The following VBP1 variants were observed in gnomAD, a reference collection of about 807,000 sequenced individuals.
VBP1 encodes VHL binding protein 1.
VBP1 carries 4 observed loss-of-function variants against 15.5 expected under a neutral mutation model. That is an observed-to-expected ratio of 0.26 (90% CI 0.13 to 0.59). The LOEUF is 0.59. Among genes scored for constraint, VBP1 ranks in the 20% least tolerant of loss-of-function variants. VBP1 has a pLI of 0.90. For synonymous variants in VBP1, 61 were observed against 52.1 expected (o/e 1.17, Z -0.74); for missense variants, 108 against 139.6 (o/e 0.77, Z 1.14).
intron 1 of VBP1, among the ~76,000 whole-genome samples, chrX:155,204,171 G>T (rs939544645): frequency 9.1e-6 from 1 of 109,773 alleles, no homozygotes. Flanking sequence ...TTTTTTTTTT[G>T]AGATGGAGTT....
chrX:155,234,916 A>T (rs1287269156), intron 4 of VBP1, among the ~76,000 whole-genome samples: 1 of 112,057 alleles, frequency 8.9e-6, no homozygotes, highest in Non-Finnish European at 1.9e-5. Flanking sequence ...TTCCTTGAGC[A>T]TCTTATACAG....
chrX:155,232,010 C>G (rs1557310951), intron 4 of VBP1, among the ~76,000 whole-genome samples: 1 of 111,953 alleles, frequency 8.9e-6, no homozygotes, highest in African/African-American at 3.2e-5. Flanking sequence ...TATCAAATTG[C>G]TCTCCAGAAA....
chrX:155,207,192 C>G (rs1014326281), intron 1 of VBP1, among the ~76,000 whole-genome samples: 5 of 111,560 alleles, frequency 4.5e-5, no homozygotes, highest in Non-Finnish European at 9.4e-5. Context: ...TCTTTCCAAA[C>G]AATGGTGAAC....
At chrX:155,201,154 G>T (rs2074601715) in intron 1 of VBP1, among the ~76,000 whole-genome samples, 1 of 110,173 alleles carries the variant, frequency 9.1e-6, no homozygotes, top group South Asian at 3.9e-4. Flanking sequence ...GGACCAGATG[G>T]ATTCACAGCC....
upstream of VBP1, among the ~76,000 whole-genome samples, chrX:155,214,377 G>A (rs181800168): frequency 1.6e-4 from 18 of 112,091 alleles, no homozygotes; most frequent in African/African-American, 5.8e-4. Flanking sequence ...TAACGATAAA[G>A]AGTATTGTAT....
intron 1 of VBP1, among the ~76,000 whole-genome samples, chrX:155,203,922 T>C (rs2074616987): frequency 9.0e-6 from 1 of 111,597 alleles, no homozygotes; most frequent in Non-Finnish European, 1.9e-5. Context: ...AAAGACTATA[T>C]CACAAGATTG....
upstream of VBP1, among the ~76,000 whole-genome samples, chrX:155,215,234 T>A (rs2124059398): frequency 9.0e-6 from 1 of 110,941 alleles, no homozygotes; most frequent in Non-Finnish European, 1.9e-5. Context: ...AAAAACAAAA[T>A]TTTTTTTTGG....
At chrX:155,225,556 T>C (rs1002221356) in intron 2 of VBP1, among the ~76,000 whole-genome samples, 23 of 111,872 alleles carry the variant, frequency 2.1e-4, no homozygotes, top group Non-Finnish European at 3.8e-4. Context: ...CTTGGGCATG[T>C]GCTGTGTCAT....
intron 5 of VBP1, 44 bp downstream of exon 5, chrX:155,236,411 A>T (rs1569561002): frequency 8.6e-7 from 1 of 1,169,567 alleles, no homozygotes; most frequent in East Asian, 3.0e-5. Flanking sequence ...AAGGAGAAAG[A>T]TTTTTTTAAA....
chrX:155,199,015 G>C (rs1241942484), intron 1 of VBP1, among the ~76,000 whole-genome samples: 2 of 111,485 alleles, frequency 1.8e-5, no homozygotes, highest in Admixed American at 9.6e-5. Context: ...ATCAGTGATG[G>C]AAGATGAAAT....
intron 2 of VBP1, among the ~76,000 whole-genome samples, chrX:155,222,463 A>G (rs782250722): frequency 9.0e-6 from 1 of 111,489 alleles, no homozygotes; most frequent in African/African-American, 3.3e-5. Context: ...CAACAGAGTG[A>G]TGATACCCCG....
upstream of VBP1, among the ~76,000 whole-genome samples, chrX:155,215,728 G>A: frequency 8.9e-6 from 1 of 112,068 alleles, no homozygotes; most frequent in Admixed American, 9.4e-5. Flanking sequence ...ACAGAAAAGA[G>A]CCCGAAGAAT....
chrX:155,205,046 T>C (rs1557307933), intron 1 of VBP1, among the ~76,000 whole-genome samples: 1 of 112,385 alleles, frequency 8.9e-6, no homozygotes, highest in Non-Finnish European at 1.9e-5. Context: ...TTTTAACTCA[T>C]TTTTAGTTTA....
intron 1 of VBP1, among the ~76,000 whole-genome samples, chrX:155,199,452 T>G (rs1392881955): frequency 2.1e-4 from 23 of 111,643 alleles, no homozygotes; most frequent in African/African-American, 6.9e-4. Context: ...AGGGCCAATA[T>G]TCAACATTCT....
chrX:155,199,924 C>T (rs1557307188), intron 1 of VBP1, among the ~76,000 whole-genome samples: 1 of 109,955 alleles, frequency 9.1e-6, no homozygotes, highest in African/African-American at 3.3e-5. Context: ...ATCTACCAAG[C>T]AAATGGAAAA....
At chrX:155,220,094 T>C in intron 1 of VBP1, 89 bp from the exon 2 acceptor site, 2 of 935,794 alleles carry the variant, frequency 2.1e-6, no homozygotes, top group Non-Finnish European at 2.9e-6. Flanking sequence ...CAAAGCTTTT[T>C]TTTCTTCTAT....
chrX:155,211,943 T>G (rs1299046320), upstream of VBP1, among the ~76,000 whole-genome samples: 4 of 112,044 alleles, frequency 3.6e-5, no homozygotes, highest in East Asian at 1.1e-3. Context: ...TAGCTGAAAT[T>G]TATTGAGGGC....
intron 5 of VBP1, among the ~76,000 whole-genome samples, 173 bp from the exon 6 acceptor site, chrX:155,238,598 AT>A (rs1408515090): frequency 3.6e-5 from 4 of 112,216 alleles, no homozygotes; most frequent in Non-Finnish European, 7.5e-5. Flanking sequence ...TAATTATAGT[AT>A]TTTCCTAACA....
chrX:155,228,596 T>C (rs2074730995), intron 4 of VBP1, 114 bp downstream of exon 4: 2 of 581,139 alleles, frequency 3.4e-6, no homozygotes, highest in Admixed American at 3.5e-5. Context: ...GCTCGAGATA[T>C]GTAAAGTGTT....
Sources: gnomAD v4.1 joint callset for allele counts (sites outside exome capture counted in the v4.1 genomes callset) on GRCh38, gnomAD v4.1.1 for gene constraint, MANE v1.5 for transcripts, NCBI Gene and HGNC (gene_info 2026-07-23, HGNC 2026-07-21) for gene names.